Variants in NPEPPS observed in about 807,000 individuals in gnomAD.
The protein encoded by NPEPPS is puromycin-sensitive aminopeptidase.
In NPEPPS, 14 loss-of-function variants were observed where a neutral mutation model predicts 115.5. That is an observed-to-expected ratio of 0.12 (90% confidence interval 0.08 to 0.19). The LOEUF (loss-of-function observed/expected upper bound fraction) is 0.19. Ranked by LOEUF, NPEPPS falls within the 10% of genes least tolerant of loss-of-function variation. The pLI is 1.00. For missense variants in NPEPPS, 523 were observed against 1,110.8 expected, an observed-to-expected ratio of 0.47 and a Z score of 7.52; for synonymous variants, 285 against 390.6, an observed-to-expected ratio of 0.73 and a Z score of 3.19.
chr17:47,552,569 A>G (rs1408222542), intron 2 of NPEPPS, among the ~76,000 whole-genome samples: 1 of 152,212 alleles, frequency 6.6e-6, no homozygotes, highest in East Asian at 1.9e-4. Context: ...GGCTATATAC[A>G]AAGTATATGA....
At position 47,558,943 on chromosome 17, in the gene NPEPPS, A is replaced by C. The variant is rs531218724; in HGVS notation, c.341-10474A>C. 1.5e-3 allele frequency among the ~76,000 whole-genome samples: 233 copies of C among 152,034 alleles called. 2 individuals carry two copies. Among genetic ancestry groups the C allele is most frequent in the African/African-American group, 5.5e-3 (226 of 41,462 alleles). On this transcript the variant is annotated intron_variant, in intron 2 of 22. Coordinates refer to ENST00000322157, the MANE Select transcript of NPEPPS (RefSeq NM_006310.4). ...CCCCTACCTGAGAGGCTGAGGCAGG[A>C]GAATTGCTTGAACCCGGGAGGCGGA...
Position 47,597,712 on chromosome 17 carries a change from T to C in NPEPPS, c.1536+1250T>C, listed in dbSNP as rs1912965482. Among the ~76,000 whole-genome samples, 3 of 152,226 alleles carry C rather than the reference T, an allele frequency of 2.0e-5. No individual in the cohort carries two copies. In the South Asian group the frequency reaches 6.2e-4, roughly 31 times the overall value. On this transcript the variant is annotated intron_variant, in intron 13 of 22. Coordinates refer to ENST00000322157, the MANE Select transcript of NPEPPS (RefSeq NM_006310.4). ...CAAATAATTTCTCAATGTGGCAATC[T>C]AAGTTATAAATTTGCTTTTCTGCAC...
chr17:47,566,015 A>G (rs1910788639), intron 2 of NPEPPS, among the ~76,000 whole-genome samples: 1 of 152,104 alleles, frequency 6.6e-6, no homozygotes, highest in Non-Finnish European at 1.5e-5. Flanking sequence ...CTTTTTCGAG[A>G]CAGGGTCTCA....
At chr17:47,564,027 G>T (rs1370827954) in intron 2 of NPEPPS, among the ~76,000 whole-genome samples, 3 of 151,738 alleles carry the variant, frequency 2.0e-5, no homozygotes, top group African/African-American at 7.3e-5. Context: ...CTACCTCCCA[G>T]GTTCAAGCGA....
intron 17 of NPEPPS, 42 bp downstream of exon 17, chr17:47,605,594 G>A: frequency 1.6e-6 from 2 of 1,271,730 alleles, no homozygotes; most frequent in Non-Finnish European, 2.2e-6. Context: ...CGCAGAAGTT[G>A]GTACTTTTTT....
intron 2 of NPEPPS, among the ~76,000 whole-genome samples, chr17:47,549,780 CAA>C (rs34434179): frequency 3.5e-3 from 151 of 43,342 alleles, no homozygotes; most frequent in African/African-American, 0.012. Context: ...GACTCTGTCT[CAA>C]AAAAAAAAAA....
At chr17:47,619,996 G>A (rs1914444728) in intron 22 of NPEPPS, 1 of 447,160 alleles carries the variant, frequency 2.2e-6, no homozygotes, top group Non-Finnish European at 4.1e-6. Flanking sequence ...ACTTTGGGAG[G>A]CCGAGGTGGG....
chr17:47,531,297 G>T lies in NPEPPS; in HGVS notation c.-4G>T. On this transcript the variant is annotated 5_prime_UTR_variant, in exon 1 of 23. Transcript: ENST00000322157. The stretch of plus-strand genomic sequence containing the variant: ...CTCCTCCGGCGGTCGCCCGCGCTCG[G>T]TGGATGTGGCTGGCAGCTGCCGCCC... 3 of 1,489,306 alleles carry T rather than the reference G, an allele frequency of 2.0e-6. No individual in the cohort carries two copies. The highest frequency in any genetic ancestry group is 2.7e-6 in the Non-Finnish European group (3 of 1,107,456). The allele number at this position is 1,489,306 out of a possible 1,614,324, so 92.3% of individuals were successfully genotyped here.
intron 10 of NPEPPS, among the ~76,000 whole-genome samples, chr17:47,591,562 G>C (rs551578147): frequency 6.6e-6 from 1 of 152,210 alleles, no homozygotes; most frequent in East Asian, 1.9e-4. Flanking sequence ...TAAAGAACTA[G>C]AGTTATAATG....
intron 2 of NPEPPS, among the ~76,000 whole-genome samples, chr17:47,560,751 A>AT (rs1170504108): frequency 9.9e-5 from 15 of 152,098 alleles, no homozygotes; most frequent in Non-Finnish European, 1.5e-4. Flanking sequence ...TGTGAACTTT[A>AT]TTTTTTTGCA....
At chr17:47,549,641 G>C (rs555217623) in intron 2 of NPEPPS, among the ~76,000 whole-genome samples, 1 of 151,510 alleles carries the variant, frequency 6.6e-6, no homozygotes, top group Admixed American at 6.6e-5. Flanking sequence ...TTAGCTGGGC[G>C]TGGTGGCAGG....
intron 13 of NPEPPS, among the ~76,000 whole-genome samples, chr17:47,597,189 T>C (rs1304576075): frequency 6.6e-6 from 1 of 152,192 alleles, no homozygotes; most frequent in Non-Finnish European, 1.5e-5. Context: ...TTGTGTAAAG[T>C]AGGTTTTTAA....
chr17:47,551,958 A>C (rs1909678317), intron 2 of NPEPPS, among the ~76,000 whole-genome samples: 1 of 127,784 alleles, frequency 7.8e-6, no homozygotes, highest in Non-Finnish European at 1.7e-5. Flanking sequence ...GTTTGTTGGG[A>C]TTTCTTTCTT....
intron 5 of NPEPPS, among the ~76,000 whole-genome samples, 185 bp downstream of exon 5, chr17:47,583,034 G>C: frequency 7.0e-6 from 1 of 143,736 alleles, no homozygotes. Context: ...TTTCTGTAGA[G>C]TTGGGGTCTC....
At chr17:47,553,757 CTCTT>C (rs935303731) in intron 2 of NPEPPS, among the ~76,000 whole-genome samples, 11 of 150,876 alleles carry the variant, frequency 7.3e-5, no homozygotes, top group Middle Eastern at 3.5e-3. Flanking sequence ...GCGTCTCTCT[CTCTT>C]TTTTTTTTTT....
Position 47,586,987 on chromosome 17 carries a change from G to C in NPEPPS, c.981-243G>C, listed in dbSNP as rs567232074. The C allele has an allele frequency of 1.9e-4, 82 of 420,868 alleles. 1 individual carries two copies. In the South Asian group the frequency reaches 2.0e-3, roughly 10 times the overall value. The allele number at this position is 420,868 out of a possible 1,614,324, so 26.1% of individuals were successfully genotyped here. A position where few individuals can be genotyped will look rare whatever the true frequency, so the allele number is the denominator to read the frequency against. On this transcript the variant is annotated intron_variant, in intron 8 of 22. Transcript: ENST00000322157. ...TAGACAATGTTTTCCCAAAATTTCA[G>C]GCAGCTATTCTATCAACAAACTGAT...
chr17:47,604,912 G>A (rs1017597769), intron 16 of NPEPPS, among the ~76,000 whole-genome samples: 4 of 152,214 alleles, frequency 2.6e-5, no homozygotes, highest in African/African-American at 9.7e-5. Context: ...GTCCGGCTTT[G>A]AAAGAATGTT....
In NPEPPS at chr17:47,531,253, C is replaced by T. The variant is rs1005312447; in HGVS notation, c.-48C>T. On this transcript the variant is annotated 5_prime_UTR_variant, in exon 1 of 23. Coordinates refer to ENST00000322157, the MANE Select transcript of NPEPPS (RefSeq NM_006310.4). ...TCCGGCTGGGTCTCTCCCCCGCCCC[C>T]CAGGCTCCCCCGGTCGCTCTCCTCC... 5 of 1,486,024 alleles carry T rather than the reference C, an allele frequency of 3.4e-6. No individual in the cohort carries two copies. The highest frequency in any genetic ancestry group is 3.6e-6 in the Non-Finnish European group (4 of 1,117,952). The allele number at this position is 1,486,024 out of a possible 1,614,324, so 92.1% of individuals were successfully genotyped here. A position where few individuals can be genotyped will look rare whatever the true frequency, so the allele number is the denominator to read the frequency against.
At chr17:47,569,327 G>A in intron 2 of NPEPPS, 90 bp from the exon 3 acceptor site, 8 of 784,158 alleles carry the variant, frequency 1.0e-5, no homozygotes, top group Non-Finnish European at 1.7e-5. Flanking sequence ...TTTTGCTTTT[G>A]TAGAGATTTT....
Sources: allele counts gnomAD v4.1 joint callset (sites outside exome capture counted in the v4.1 genomes callset), GRCh38; gene constraint gnomAD v4.1.1; transcripts MANE v1.5; gene names NCBI Gene and HGNC (gene_info 2026-07-23, HGNC 2026-07-21).